AAMDC: variants seen among roughly 807,000 people sequenced by gnomAD.
AAMDC encodes adipogenesis associated Mth938 domain containing, also known as mth938 domain-containing protein.
AAMDC carries 16 observed loss-of-function variants against 15.5 expected under a neutral mutation model. The observed-to-expected ratio is 1.03, with a 90% CI of 0.70 to 1.57. The LOEUF is 1.57. AAMDC is among the 40% of genes most tolerant of loss of function. The pLI is 0.00. For synonymous variants in AAMDC, 51 were observed against 51.6 expected (o/e 0.99, Z 0.05); for missense variants, 141 against 144.9 (o/e 0.97, Z 0.14).
At chr11:77,835,248 C>A (rs1949631310) in intron 1 of AAMDC, among the ~76,000 whole-genome samples, 1 of 152,172 alleles carries the variant, frequency 6.6e-6, no homozygotes, top group Non-Finnish European at 1.5e-5. Flanking sequence ...TGCCCCGTCC[C>A]ACTTTATCTC....
chr11:77,825,494 T>TA (rs1416180498), intron 1 of AAMDC, among the ~76,000 whole-genome samples: 1 of 152,132 alleles, frequency 6.6e-6, no homozygotes, highest in Non-Finnish European at 1.5e-5. Context: ...AAAAAGCTAT[T>TA]AAGTGTCAAC....
intron 2 of AAMDC, among the ~76,000 whole-genome samples, chr11:77,853,828 C>A (rs779088502): frequency 4.0e-5 from 6 of 151,896 alleles, no homozygotes; most frequent in Admixed American, 2.0e-4. Context: ...GTAATCCCAG[C>A]TACTTGGTAG....
chr11:77,864,355 G>A (rs1455694480), intron 2 of AAMDC, among the ~76,000 whole-genome samples: 2 of 151,796 alleles, frequency 1.3e-5, no homozygotes, highest in East Asian at 2.0e-4. Flanking sequence ...AGGGAGAATC[G>A]CTTGAACCCG....
chr11:77,859,355 T>A (rs188931577), intron 2 of AAMDC, among the ~76,000 whole-genome samples: 6 of 152,220 alleles, frequency 3.9e-5, no homozygotes, highest in African/African-American at 1.2e-4. Context: ...CCCAGCAGTG[T>A]AAGACTGCTA....
At chr11:77,831,140 GTC>G (rs1318759731) in intron 1 of AAMDC, among the ~76,000 whole-genome samples, 1 of 152,094 alleles carries the variant, frequency 6.6e-6, no homozygotes, top group East Asian at 1.9e-4. Context: ...GCAAGACCCT[GTC>G]TCAGAAAAAA....
chr11:77,842,128 G>C lies in AAMDC; in HGVS notation c.-18-351G>C, dbSNP rs57704623. Among the ~76,000 whole-genome samples, 1,253 of 152,240 alleles carry C rather than the reference G, an allele frequency of 8.2e-3. 14 individuals are homozygous for C. Among genetic ancestry groups the C allele is most frequent in the African/African-American group, 0.027 (1,112 of 41,556 alleles). On this transcript the variant is annotated intron_variant, in intron 1 of 3. Transcript: ENST00000393427. ...TTATTTCTAGAGTGACAAATTTTTG[G>C]TTTTGACAGTTTTTTTCTAGCTTTA...
intron 2 of AAMDC, 97 bp from the exon 3 acceptor site, chr11:77,869,625 C>T (rs1226446641): frequency 4.2e-6 from 5 of 1,192,964 alleles, no homozygotes; most frequent in African/African-American, 1.5e-5. Flanking sequence ...AAGTGAACCT[C>T]AGTAGACATT....
chr11:77,823,661 T>C (rs997835940), intron 1 of AAMDC, among the ~76,000 whole-genome samples: 5 of 143,968 alleles, frequency 3.5e-5, no homozygotes, highest in African/African-American at 1.3e-4. Context: ...TGACCCAGAA[T>C]ACAGTTTTAA....
intron 2 of AAMDC, among the ~76,000 whole-genome samples, chr11:77,848,143 C>T (rs1423831085): frequency 6.6e-6 from 1 of 152,130 alleles, no homozygotes; most frequent in Non-Finnish European, 1.5e-5. Flanking sequence ...GTCTGTAGTC[C>T]AGTTGAGCTG....
chr11:77,866,780 CATT>C (rs1160922177), intron 2 of AAMDC: 1 of 151,910 alleles, frequency 6.6e-6, no homozygotes, highest in Non-Finnish European at 1.5e-5. Context: ...ATATGTAAGA[CATT>C]ATTATTACAG....
intron 2 of AAMDC, chr11:77,866,643 C>T (rs1307407575): frequency 6.6e-6 from 1 of 151,866 alleles, no homozygotes; most frequent in Non-Finnish European, 1.5e-5. Context: ...CTCCTATGAC[C>T]TTACACTTGG....
intron 2 of AAMDC, among the ~76,000 whole-genome samples, chr11:77,860,932 A>G (rs1469796770): frequency 1.3e-5 from 2 of 151,912 alleles, no homozygotes; most frequent in Admixed American, 6.6e-5. Context: ...GGGTTTCTAT[A>G]CCCCTAAAAT....
chr11:77,901,419 A>G (rs1565233073), downstream of AAMDC: 1 of 1,613,772 alleles, frequency 6.2e-7, no homozygotes, highest in Non-Finnish European at 8.5e-7. Flanking sequence ...CCCACATCTT[A>G]CCCTCGTGTA....
intron 2 of AAMDC, among the ~76,000 whole-genome samples, chr11:77,855,960 A>G (rs1301086778): frequency 2.0e-5 from 3 of 152,016 alleles, no homozygotes; most frequent in African/African-American, 7.2e-5. Context: ...TCTAGCAAAA[A>G]CACACAAATT....
downstream of AAMDC, among the ~76,000 whole-genome samples, chr11:77,872,714 G>A (rs182081010): frequency 2.5e-4 from 38 of 152,238 alleles, no homozygotes; most frequent in African/African-American, 7.5e-4. Context: ...TTGGGAGGCC[G>A]AGGTGGGCAG....
At chr11:77,879,737 C>G (rs1395621328) in intron 5 of AAMDC, among the ~76,000 whole-genome samples, 1 of 152,118 alleles carries the variant, frequency 6.6e-6, no homozygotes, top group Non-Finnish European at 1.5e-5. Flanking sequence ...ATTAAGAACT[C>G]CCCTCAAGTT....
At position 77,832,941 on chromosome 11, in the gene AAMDC, GTA is replaced by G. The variant is rs1330087632; in HGVS notation, c.-18-9528_-18-9527del. Among the ~76,000 whole-genome samples the G allele has an allele frequency of 9.5e-3, 897 of 94,256 alleles. 53 individuals are homozygous for G. The highest frequency in any genetic ancestry group is 0.034 in the African/African-American group (779 of 22,744). 61.8% of individuals were successfully genotyped at this position (94,256 alleles called of 152,430 possible). ...CATTACATTTATTGTGCACTTTATT[GTA>G]TATATATATGTGTGTGTGTGTGTGT... On this transcript the variant is annotated intron_variant, in intron 1 of 3. Transcript: ENST00000393427.
chr11:77,877,126 T>C (rs1951620521), downstream of AAMDC: 1 of 681,004 alleles, frequency 1.5e-6, no homozygotes, highest in Admixed American at 2.1e-5. Flanking sequence ...CATGACCTCG[T>C]GGAAATAGAC....
intron 2 of AAMDC, among the ~76,000 whole-genome samples, chr11:77,854,006 T>C (rs1308231660): frequency 6.6e-6 from 1 of 151,120 alleles, no homozygotes; most frequent in Non-Finnish European, 1.5e-5. Context: ...TTTTTTTTTT[T>C]TTGAGACAGA....
Sources: gnomAD v4.1 joint callset for allele counts (sites outside exome capture counted in the v4.1 genomes callset) on GRCh38, gnomAD v4.1.1 for gene constraint, MANE v1.5 for transcripts, NCBI Gene and HGNC (gene_info 2026-07-23, HGNC 2026-07-21) for gene names.